The following ENDOD1 variants were observed in gnomAD, a reference collection of about 807,000 sequenced individuals.
ENDOD1 encodes the protein endonuclease domain containing 1.
In ENDOD1, 9 loss-of-function variants were observed where a neutral mutation model predicts 6.5. The ratio of observed to expected loss-of-function variants is 1.39; its 90% CI spans 0.84 to 2.43. The LOEUF (loss-of-function observed/expected upper bound fraction) is 2.43, where lower values mean the gene tolerates loss of function less well. Among genes scored for constraint, ENDOD1 ranks in the 30% most tolerant of loss-of-function variants. The probability of loss-of-function intolerance (pLI) is 0.00; values close to 1 mark genes in which losing one functional copy is unlikely to be tolerated. For missense variants in ENDOD1, 648 were observed against 635.5 expected, an observed-to-expected ratio of 1.02 and a Z score of -0.21; for synonymous variants, 255 against 255.2, an observed-to-expected ratio of 1.00 and a Z score of 0.01.
rs143162739 is a variant in ENDOD1, at chr11:95,102,587, C to T, written c.300+12360C>T. ...CTTGGGAGGCTGAGGTAGGAGAATC[C>T]CTTGAGCCTGGGAGACAGAGGTTGC... On this transcript the variant is annotated intron_variant, in intron 1 of 1. Transcript: ENST00000278505. 2.9e-3 allele frequency among the ~76,000 whole-genome samples: 439 copies of T among 152,070 alleles called. 2 individuals carry two copies. Among genetic ancestry groups the T allele is most frequent in the African/African-American group, 1.0e-2 (414 of 41,468 alleles).
intron 1 of ENDOD1, among the ~76,000 whole-genome samples, chr11:95,106,088 A>T (rs938381435): frequency 1.2e-4 from 19 of 152,214 alleles, no homozygotes; most frequent in African/African-American, 4.3e-4. Flanking sequence ...CAGAAGCCAG[A>T]GGGCAACGGG....
rs183610471 is a variant in ENDOD1, at chr11:95,105,265, C to A, written c.300+15038C>A. Among the ~76,000 whole-genome samples, 62 of 152,280 alleles carry A rather than the reference C, an allele frequency of 4.1e-4. No individual in the cohort carries two copies. The Middle Eastern group carries it at 0.02, about 50-fold the overall frequency. ...CAGGACTCCCTGTGGATACCAAAAT[C>A]CTTCATGCTCAAGTCCCTTATGTAA... On this transcript the variant is annotated intron_variant, in intron 1 of 1. Coordinates refer to ENST00000278505, the MANE Select transcript of ENDOD1 (RefSeq NM_015036.3).
chr11:95,105,809 A>AT (rs1384625619), intron 1 of ENDOD1, among the ~76,000 whole-genome samples: 11 of 152,212 alleles, frequency 7.2e-5, no homozygotes, highest in Admixed American at 3.3e-4. Flanking sequence ...TTCCCTGAAT[A>AT]TTTTTGATCC....
chr11:95,111,780 G>T (rs569026662), intron 1 of ENDOD1, among the ~76,000 whole-genome samples: 3 of 152,136 alleles, frequency 2.0e-5, no homozygotes, highest in Admixed American at 6.5e-5. Context: ...CTGGTCCATG[G>T]CCCTGGGGTT....
chr11:95,121,123 G>A (rs1233718453), intron 1 of ENDOD1, among the ~76,000 whole-genome samples: 1 of 152,208 alleles, frequency 6.6e-6, no homozygotes, highest in Non-Finnish European at 1.5e-5. Flanking sequence ...ATGAAGTTAA[G>A]ACCAGGTACT....
At chr11:95,109,321 G>T (rs1411619777) in intron 1 of ENDOD1, among the ~76,000 whole-genome samples, 1 of 152,188 alleles carries the variant, frequency 6.6e-6, no homozygotes, top group Non-Finnish European at 1.5e-5. Context: ...CTGTTGTCAG[G>T]ACCACCTTTT....
At chr11:95,123,588 CAAAAAA>C (rs71930134) in intron 1 of ENDOD1, among the ~76,000 whole-genome samples, 1 of 134,970 alleles carries the variant, frequency 7.4e-6, no homozygotes, top group Non-Finnish European at 1.5e-5. Context: ...GTATAAATAC[CAAAAAA>C]AAAAAAAAAA....
intron 1 of ENDOD1, among the ~76,000 whole-genome samples, chr11:95,118,906 T>C (rs1262907515): frequency 6.6e-6 from 1 of 152,248 alleles, no homozygotes; most frequent in African/African-American, 2.4e-5. Context: ...GTCTTTAAGC[T>C]CACTAATTCT....
intron 1 of ENDOD1, among the ~76,000 whole-genome samples, chr11:95,116,211 A>G (rs1360502855): frequency 2.0e-5 from 3 of 152,014 alleles, no homozygotes; most frequent in African/African-American, 7.2e-5. Context: ...TCCTTGTTCA[A>G]TTTTGGTTGG....
intron 1 of ENDOD1, among the ~76,000 whole-genome samples, chr11:95,117,100 C>T (rs1364581218): frequency 6.6e-6 from 1 of 152,212 alleles, no homozygotes; most frequent in Non-Finnish European, 1.5e-5. Flanking sequence ...GTATCTCTCT[C>T]TTTAGCTCTA....
intron 1 of ENDOD1, among the ~76,000 whole-genome samples, chr11:95,110,351 C>T (rs1859135439): frequency 6.6e-6 from 1 of 152,172 alleles, no homozygotes. Flanking sequence ...TCCATTGATC[C>T]CATCATGGTC....
chr11:95,128,344 G>A (rs755924776), intron 1 of ENDOD1, 33 bp from the exon 2 acceptor site: 8 of 1,590,346 alleles, frequency 5.0e-6, no homozygotes, highest in South Asian at 1.2e-5. Flanking sequence ...CTGTAAGCAG[G>A]GATGCATCTC....
chr11:95,107,525 G>A (rs575712950), intron 1 of ENDOD1, among the ~76,000 whole-genome samples: 2 of 152,214 alleles, frequency 1.3e-5, no homozygotes, highest in South Asian at 2.1e-4. Flanking sequence ...TCAATGCTAA[G>A]AATAATTGCT....
chr11:95,097,602 T>C (rs1273534450), intron 1 of ENDOD1, among the ~76,000 whole-genome samples: 2 of 152,252 alleles, frequency 1.3e-5, no homozygotes, highest in Admixed American at 6.5e-5. Context: ...CGATGTGATC[T>C]GGCTTACATT....
intron 1 of ENDOD1, among the ~76,000 whole-genome samples, chr11:95,118,856 T>C (rs9667013): frequency 0.12 from 18,874 of 152,160 alleles, 1,492 homozygotes; most frequent in African/African-American, 0.23. Context: ...TTTTATTCTT[T>C]TTCTTTTGTC....
rs1858907499 is a variant in ENDOD1 at position 95,089,879 on chromosome 11, C to T, written c.-49C>T. On this transcript the variant is annotated 5_prime_UTR_variant, in exon 1 of 2. Coordinates refer to ENST00000278505, the MANE Select transcript of ENDOD1 (RefSeq NM_015036.3). ...CTCCCCGCCCAGCCTGCAGAGCTCG[C>T]GCCGCGGCAGCCCAGCCGCTCGGCC... 7.8e-7 allele frequency: 1 copy of T among 1,288,964 alleles called. No homozygotes were observed. The highest frequency in any genetic ancestry group is 9.8e-7 in the Non-Finnish European group (1 of 1,016,016). 79.8% of individuals were successfully genotyped at this position (1,288,964 alleles called of 1,614,324 possible). A position where few individuals can be genotyped will look rare whatever the true frequency, so the allele number is the denominator to read the frequency against.
chr11:95,125,759 C>T (rs953715964), intron 1 of ENDOD1, among the ~76,000 whole-genome samples: 2 of 152,112 alleles, frequency 1.3e-5, no homozygotes, highest in Non-Finnish European at 1.5e-5. Flanking sequence ...CGTGTCCCTA[C>T]AAAGGACATG....
chr11:95,108,534 C>CACACACAAAAAAAAAA (rs1176686943), intron 1 of ENDOD1, among the ~76,000 whole-genome samples: 3 of 141,756 alleles, frequency 2.1e-5, no homozygotes, highest in African/African-American at 7.6e-5. Context: ...CACAGACACC[C>CACACACAAAAAAAAAA]AAAAAAAGAA....
rs1555109628 is a variant in ENDOD1 at position 95,089,990 on chromosome 11, C to A, written c.63C>A (p.Gly21=). The A allele has an allele frequency of 6.4e-7, 1 of 1,557,216 alleles. No individual in the cohort carries two copies. The highest frequency in any genetic ancestry group is 1.9e-5 in the Admixed American group (1 of 53,266). The change falls in exon 1 of 2, where the codon GGC becomes GGA. Residue 21 remains glycine (G), a synonymous_variant. Transcript: ENST00000278505. ...TCGCCCTGGCTGGGCTGCTGGAAGG[C>A]CGGCTCGTGGGCGAGGAGGAAGCCG... ...SLFALAGLLE[G]RLVGEEEAGF... is the part of the protein sequence containing the mutation.
Sources: gnomAD v4.1 joint callset for allele counts (sites outside exome capture counted in the v4.1 genomes callset) on GRCh38, gnomAD v4.1.1 for gene constraint, MANE v1.5 for transcripts, NCBI Gene and HGNC (gene_info 2026-07-23, HGNC 2026-07-21) for gene names.